The following MGAT5 variants were observed in gnomAD, a reference collection of about 807,000 sequenced individuals.
The protein encoded by MGAT5 is alpha-1,6-mannosylglycoprotein 6-beta-N-acetylglucosaminyltransferase A.
Under a neutral mutation model 94.3 loss-of-function variants are expected in MGAT5, and 30 were observed. The ratio of observed to expected loss-of-function variants is 0.32; its 90% CI spans 0.24 to 0.43. MGAT5 has a LOEUF of 0.43. Ranked by LOEUF, MGAT5 falls within the 20% of genes least tolerant of loss-of-function variation. The probability of loss-of-function intolerance (pLI) is 1.00; values close to 1 mark genes in which losing one functional copy is unlikely to be tolerated. For synonymous variants in MGAT5, 310 were observed against 322.9 expected (o/e 0.96, Z 0.43); for missense variants, 691 against 905.5 (o/e 0.76, Z 3.04).
At chr2:134,371,959 A>C (rs952638406) in intron 10 of MGAT5, among the ~76,000 whole-genome samples, 28 of 151,862 alleles carry the variant, frequency 1.8e-4, no homozygotes, top group Admixed American at 1.4e-3. Context: ...AAAAAAAAAA[A>C]AACCTTGCCT....
intron 1 of MGAT5, among the ~76,000 whole-genome samples, chr2:134,121,190 C>G (rs111749023): frequency 2.0e-5 from 3 of 152,328 alleles, no homozygotes; most frequent in African/African-American, 7.2e-5. Context: ...ACTGCTCTCC[C>G]CGGCTGCCCT....
chr2:134,254,955 G>A (rs567035988), intron 1 of MGAT5, among the ~76,000 whole-genome samples: 1 of 152,330 alleles, frequency 6.6e-6, no homozygotes, highest in African/African-American at 2.4e-5. Context: ...TCATGTGGGA[G>A]TGAGTTCAGG....
chr2:134,410,078 C>T (rs1309708255), intron 11 of MGAT5, among the ~76,000 whole-genome samples: 1 of 152,206 alleles, frequency 6.6e-6, no homozygotes, highest in African/African-American at 2.4e-5. Context: ...AGCCTTGGCA[C>T]TTATGTACAT....
intron 2 of MGAT5, among the ~76,000 whole-genome samples, chr2:134,281,699 C>T (rs1409358794): frequency 6.6e-6 from 1 of 152,210 alleles, no homozygotes; most frequent in Admixed American, 6.5e-5. Context: ...TGACCCTTTA[C>T]TGTACCTTCC....
At chr2:134,250,430 T>G (rs1682527015), upstream of MGAT5, among the ~76,000 whole-genome samples, 1 of 152,222 alleles carries the variant, frequency 6.6e-6, no homozygotes, top group Non-Finnish European at 1.5e-5. Context: ...AGTCTAGGGC[T>G]TCCTCATTAA....
chr2:134,246,874 G>A (rs924886848), intron 1 of MGAT5, among the ~76,000 whole-genome samples: 7 of 152,202 alleles, frequency 4.6e-5, no homozygotes, highest in Admixed American at 6.5e-5. Flanking sequence ...AAAACCAGAC[G>A]TTGTCTTCCA....
At chr2:134,430,486 G>T (rs538761567) in intron 14 of MGAT5, among the ~76,000 whole-genome samples, 3 of 152,208 alleles carry the variant, frequency 2.0e-5, no homozygotes, top group South Asian at 2.1e-4. Context: ...ACACATGGTC[G>T]GTGCACAGTA....
chr2:134,231,725 C>T (rs937806417), intron 1 of MGAT5, among the ~76,000 whole-genome samples: 3 of 152,178 alleles, frequency 2.0e-5, no homozygotes, highest in Admixed American at 1.3e-4. Flanking sequence ...TTGAGTAGCT[C>T]TCTACCCACT....
At chr2:134,194,714 T>C (rs1283466394) in intron 1 of MGAT5, among the ~76,000 whole-genome samples, 1 of 152,150 alleles carries the variant, frequency 6.6e-6, no homozygotes, top group Non-Finnish European at 1.5e-5. Context: ...GCTTCTGTCA[T>C]TGAACCAGAT....
intron 1 of MGAT5, among the ~76,000 whole-genome samples, chr2:134,144,732 T>A (rs62165680): frequency 6.6e-6 from 1 of 152,112 alleles, no homozygotes; most frequent in Non-Finnish European, 1.5e-5. Flanking sequence ...AAATAAGTCA[T>A]ATATATTAGG....
intron 1 of MGAT5, among the ~76,000 whole-genome samples, chr2:134,167,113 A>T (rs1374581186): frequency 6.6e-6 from 1 of 152,222 alleles, no homozygotes; most frequent in Admixed American, 6.5e-5. Flanking sequence ...GCTGAGGTTG[A>T]TAAAGGACAA....
At chr2:134,433,071 C>T (rs1176408262) in intron 14 of MGAT5, among the ~76,000 whole-genome samples, 1 of 152,172 alleles carries the variant, frequency 6.6e-6, no homozygotes, top group Non-Finnish European at 1.5e-5. Context: ...ACTCATTTGT[C>T]CCTGTTAGCA....
intron 10 of MGAT5, among the ~76,000 whole-genome samples, chr2:134,377,728 T>A (rs1184356117): frequency 6.6e-6 from 1 of 152,172 alleles, no homozygotes; most frequent in Non-Finnish European, 1.5e-5. Context: ...TGTGACTTGG[T>A]CTTTCAAAGG....
intron 1 of MGAT5, among the ~76,000 whole-genome samples, chr2:134,237,378 G>A (rs1446405848): frequency 6.6e-6 from 1 of 152,166 alleles, no homozygotes; most frequent in Non-Finnish European, 1.5e-5. Flanking sequence ...ATAAGTAAAT[G>A]TTTGCAGAAT....
At chr2:134,259,974 A>G (rs1683215991) in intron 1 of MGAT5, among the ~76,000 whole-genome samples, 1 of 152,190 alleles carries the variant, frequency 6.6e-6, no homozygotes, top group African/African-American at 2.4e-5. Flanking sequence ...CTCTGGAGGT[A>G]TCTTTTAACC....
At chr2:134,125,993 A>G (rs1182063341) in intron 1 of MGAT5, among the ~76,000 whole-genome samples, 1 of 152,222 alleles carries the variant, frequency 6.6e-6, no homozygotes, top group African/African-American at 2.4e-5. Flanking sequence ...GTGACCTGGA[A>G]GAGGTATCAG....
At chr2:134,245,225 G>T (rs1254380538) in intron 1 of MGAT5, among the ~76,000 whole-genome samples, 3 of 152,160 alleles carry the variant, frequency 2.0e-5, no homozygotes, top group Non-Finnish European at 4.4e-5. Flanking sequence ...TGTTAGCCAG[G>T]ATGGTCTCGA....
intron 2 of MGAT5, among the ~76,000 whole-genome samples, chr2:134,307,146 T>A (rs1686374939): frequency 6.6e-6 from 1 of 152,168 alleles, no homozygotes; most frequent in African/African-American, 2.4e-5. Flanking sequence ...ATTAATTTAA[T>A]GAAAATGGAT....
At chr2:134,426,774 A>C (rs1412467542) in intron 13 of MGAT5, among the ~76,000 whole-genome samples, 1 of 151,640 alleles carries the variant, frequency 6.6e-6, no homozygotes, top group East Asian at 1.9e-4. Flanking sequence ...GAGAGGGAAC[A>C]GTAAGTTCAA....
Sources: gnomAD v4.1 joint callset for allele counts (sites outside exome capture counted in the v4.1 genomes callset) on GRCh38, gnomAD v4.1.1 for gene constraint, MANE v1.5 for transcripts, NCBI Gene and HGNC (gene_info 2026-07-23, HGNC 2026-07-21) for gene names.